Variants in NMNAT2 observed in about 807,000 individuals in gnomAD.
The protein encoded by NMNAT2 is nicotinamide/nicotinic acid mononucleotide adenylyltransferase 2.
Under a neutral mutation model 41.6 loss-of-function variants are expected in NMNAT2, and 11 were observed. The ratio of observed to expected loss-of-function variants is 0.26; its 90% CI spans 0.17 to 0.44. The LOEUF (loss-of-function observed/expected upper bound fraction) is 0.44, where lower values mean the gene tolerates loss of function less well. Among genes scored for constraint, NMNAT2 ranks in the 20% least tolerant of loss-of-function variants. The pLI, the probability that NMNAT2 is intolerant of heterozygous loss-of-function variation, is 1.00. For missense variants in NMNAT2, 288 were observed against 407.7 expected (o/e 0.71, Z 2.53); for synonymous variants, 148 against 151.2 (o/e 0.98, Z 0.16).
chr1:183,302,504 G>A (rs752755421), intron 1 of NMNAT2, among the ~76,000 whole-genome samples: 1 of 152,174 alleles, frequency 6.6e-6, no homozygotes, highest in Non-Finnish European at 1.5e-5. Flanking sequence ...GGGACTTGCT[G>A]ACCCTTGAAG....
rs541260178 is a variant in NMNAT2 at position 183,283,859 on chromosome 1, G to T, written c.574+136C>A. On this transcript the variant is annotated intron_variant, in intron 7 of 10. Coordinates refer to ENST00000287713, the MANE Select transcript of NMNAT2 (RefSeq NM_015039.4). ...ACGAATGCAATCTTAGCCTGGGAAC[G>T]ATCCCTCTTCCGAGAGGAGACCCTG... 3 of 809,390 alleles carry T rather than the reference G, an allele frequency of 3.7e-6. No individual in the cohort carries two copies. The South Asian group carries it at 4.2e-5, about 11-fold the overall frequency. The allele number at this position is 809,390 out of a possible 1,614,324, so 50.1% of individuals were successfully genotyped here.
At chr1:183,404,523 T>C (rs1404143893) in intron 1 of NMNAT2, among the ~76,000 whole-genome samples, 1 of 152,194 alleles carries the variant, frequency 6.6e-6, no homozygotes, top group Admixed American at 6.5e-5. Flanking sequence ...GGACTCCAAG[T>C]GGAAAATCAC....
intron 1 of NMNAT2, among the ~76,000 whole-genome samples, chr1:183,347,541 T>C (rs933227025): frequency 6.6e-6 from 1 of 152,194 alleles, no homozygotes; most frequent in African/African-American, 2.4e-5. Flanking sequence ...TACATTATTA[T>C]ATGGAAAAAG....
At chr1:183,274,059 T>C (rs1038409974) in intron 8 of NMNAT2, among the ~76,000 whole-genome samples, 2 of 151,736 alleles carry the variant, frequency 1.3e-5, no homozygotes, top group African/African-American at 4.8e-5. Context: ...ATTACAGGCA[T>C]GCACCACCAC....
intron 10 of NMNAT2, among the ~76,000 whole-genome samples, chr1:183,257,454 T>C (rs1660547276): frequency 6.6e-6 from 1 of 152,060 alleles, no homozygotes; most frequent in Admixed American, 6.5e-5. Flanking sequence ...AAAGAAGTAT[T>C]GGTATTAATT....
intron 3 of NMNAT2, among the ~76,000 whole-genome samples, chr1:183,291,052 G>A (rs1343347519): frequency 6.6e-6 from 1 of 152,154 alleles, no homozygotes. Flanking sequence ...GAGTAGCTGA[G>A]ACTACAGGCA....
intron 1 of NMNAT2, among the ~76,000 whole-genome samples, chr1:183,329,006 T>C (rs1005865343): frequency 6.6e-6 from 1 of 152,010 alleles, no homozygotes; most frequent in Admixed American, 6.6e-5. Context: ...GGAGCAGAGG[T>C]AGCAAGTCGG....
chr1:183,316,554 G>A (rs1449460785), intron 1 of NMNAT2, among the ~76,000 whole-genome samples: 1 of 152,186 alleles, frequency 6.6e-6, no homozygotes, highest in Non-Finnish European at 1.5e-5. Flanking sequence ...ACCAGCTGCA[G>A]AGCCAGGGCT....
At chr1:183,266,248 G>T (rs1184366645) in intron 8 of NMNAT2, among the ~76,000 whole-genome samples, 1 of 152,172 alleles carries the variant, frequency 6.6e-6, no homozygotes, top group Non-Finnish European at 1.5e-5. Flanking sequence ...CATTTGGATT[G>T]CTCTGGTCTC....
At chr1:183,279,355 A>G (rs1028126217) in intron 7 of NMNAT2, among the ~76,000 whole-genome samples, 1 of 152,232 alleles carries the variant, frequency 6.6e-6, no homozygotes, top group Non-Finnish European at 1.5e-5. Flanking sequence ...GCAGTGGGGA[A>G]CAACATTCTG....
intron 8 of NMNAT2, among the ~76,000 whole-genome samples, chr1:183,273,742 TTCTC>T (rs1024210399): frequency 1.3e-5 from 2 of 151,750 alleles, no homozygotes; most frequent in Admixed American, 6.6e-5. Flanking sequence ...TTCTTTCTTT[TTCTC>T]TCTTTTTTCC....
intron 1 of NMNAT2, among the ~76,000 whole-genome samples, chr1:183,313,141 G>A (rs867167478): frequency 2.1e-5 from 3 of 140,094 alleles, no homozygotes; most frequent in East Asian, 2.4e-4. Context: ...CAATTTAACC[G>A]GAACAAATTC....
At chr1:183,374,922 G>A (rs1663638801) in intron 1 of NMNAT2, among the ~76,000 whole-genome samples, 1 of 152,192 alleles carries the variant, frequency 6.6e-6, no homozygotes, top group South Asian at 2.1e-4. Context: ...GGAATAGGAT[G>A]TGTGTTGATA....
intron 1 of NMNAT2, among the ~76,000 whole-genome samples, chr1:183,417,522 G>A (rs1649289254): frequency 6.6e-6 from 1 of 152,008 alleles, no homozygotes; most frequent in Non-Finnish European, 1.5e-5. Flanking sequence ...CCCGTCCTAG[G>A]CAGCGGGTCC....
intron 1 of NMNAT2, among the ~76,000 whole-genome samples, chr1:183,362,041 C>T (rs1663317270): frequency 6.6e-6 from 1 of 152,130 alleles, no homozygotes; most frequent in Non-Finnish European, 1.5e-5. Context: ...AAGGTTCAAG[C>T]GATTCTCCTG....
At chr1:183,409,153 G>A (rs1296588702) in intron 1 of NMNAT2, among the ~76,000 whole-genome samples, 1 of 151,942 alleles carries the variant, frequency 6.6e-6, no homozygotes, top group African/African-American at 2.4e-5. Flanking sequence ...CTAGGAATTT[G>A]AGGCCAGACA....
chr1:183,380,215 A>G (rs1245767850), intron 1 of NMNAT2, among the ~76,000 whole-genome samples: 10 of 152,222 alleles, frequency 6.6e-5, no homozygotes, highest in Admixed American at 5.9e-4. Flanking sequence ...GAAGCTCAAG[A>G]AAAACATCTT....
chr1:183,290,017 G>T, intron 4 of NMNAT2, 111 bp downstream of exon 4: 2 of 781,162 alleles, frequency 2.6e-6, no homozygotes, highest in Non-Finnish European at 2.1e-6. Flanking sequence ...CTGAAAGCAG[G>T]TCGATAGGCC....
chr1:183,404,802 A>G (rs1185455487), intron 1 of NMNAT2, among the ~76,000 whole-genome samples: 2 of 152,230 alleles, frequency 1.3e-5, no homozygotes, highest in Non-Finnish European at 2.9e-5. Context: ...AAGGAATTAG[A>G]CATCTTCCCA....
Sources: gnomAD v4.1 joint callset for allele counts (sites outside exome capture counted in the v4.1 genomes callset) on GRCh38, gnomAD v4.1.1 for gene constraint, MANE v1.5 for transcripts, NCBI Gene and HGNC (gene_info 2026-07-23, HGNC 2026-07-21) for gene names.